Variants in RBM33 observed in about 807,000 individuals in gnomAD.
The protein encoded by RBM33 is RNA-binding protein 33.
In RBM33, 28 loss-of-function variants were observed where a neutral mutation model predicts 132.6. The ratio of observed to expected loss-of-function variants is 0.21; its 90% CI spans 0.16 to 0.29. The LOEUF is 0.29. RBM33 is among the 10% of genes least tolerant of loss of function. The pLI, the probability that RBM33 is intolerant of heterozygous loss-of-function variation, is 1.00. For synonymous variants in RBM33, 634 were observed against 593.0 expected (o/e 1.07, Z -1.01); for missense variants, 1,291 against 1,518.5 (o/e 0.85, Z 2.49).
chr7:155,758,444 A>G (rs1801921285), intron 14 of RBM33, among the ~76,000 whole-genome samples: 1 of 152,104 alleles, frequency 6.6e-6, no homozygotes, highest in African/African-American at 2.4e-5. Context: ...GGAGCTGGCA[A>G]CCTAGATCCC....
intron 2 of RBM33, among the ~76,000 whole-genome samples, chr7:155,671,542 C>T (rs1325505012): frequency 6.6e-6 from 1 of 152,170 alleles, no homozygotes; most frequent in East Asian, 1.9e-4. Context: ...TTCATTATAA[C>T]TCCATATATG....
chr7:155,732,678 C>T (rs1183424221), intron 9 of RBM33, among the ~76,000 whole-genome samples: 2 of 152,068 alleles, frequency 1.3e-5, no homozygotes, highest in East Asian at 1.9e-4. Flanking sequence ...GTCCATTACT[C>T]GTGGTAGAAA....
Position 155,763,919 on chromosome 7 carries a change from G to A in RBM33, c.3087G>A (p.Gly1029=), listed in dbSNP as rs747959770. Residue 1029 remains glycine (G), a synonymous_variant, in exon 15 of 18, where the codon GGG becomes GGA. Transcript: ENST00000401878. ...QPARKVTLTR[G]GLQQPPHLPA... ...CCCGCAAGGTGACGCTGACCAGGGGGGGCCTCCAGCAGCCCCCACATCTGC... is the reference window on the plus strand; with the variant it reads ...CCCGCAAGGTGACGCTGACCAGGGGAGGCCTCCAGCAGCCCCCACATCTGC... 1.0e-5 allele frequency: 16 copies of A among 1,606,960 alleles called. No homozygotes were observed. The highest frequency in any genetic ancestry group is 3.4e-5 in the Admixed American group (2 of 59,010).
intron 13 of RBM33, among the ~76,000 whole-genome samples, chr7:155,742,382 G>T (rs1185944435): frequency 1.3e-5 from 2 of 152,034 alleles, no homozygotes; most frequent in East Asian, 1.9e-4. Flanking sequence ...TCTGTAAAGG[G>T]CCCAAATATT....
At chr7:155,686,186 A>C (rs1007681101) in intron 5 of RBM33, among the ~76,000 whole-genome samples, 5 of 152,282 alleles carry the variant, frequency 3.3e-5, no homozygotes, top group African/African-American at 1.2e-4. Flanking sequence ...AAGAACTAAG[A>C]CAAAGCTAAA....
intron 5 of RBM33, among the ~76,000 whole-genome samples, chr7:155,685,963 C>A (rs1269878272): frequency 1.3e-5 from 2 of 152,194 alleles, no homozygotes; most frequent in Non-Finnish European, 1.5e-5. Context: ...CTATGACAGT[C>A]TATGAATGTG....
intron 15 of RBM33, 82 bp downstream of exon 15, chr7:155,764,100 C>A: frequency 9.1e-7 from 1 of 1,096,764 alleles, no homozygotes. Flanking sequence ...TAATTTGTAG[C>A]GCATGGCACA....
intron 1 of RBM33, among the ~76,000 whole-genome samples, chr7:155,650,916 C>A (rs918170467): frequency 6.6e-6 from 1 of 152,118 alleles, no homozygotes; most frequent in Non-Finnish European, 1.5e-5. Context: ...GCTCTATCGC[C>A]CAGGCTGGAG....
At chr7:155,719,589 G>A (rs1370452984) in intron 9 of RBM33, among the ~76,000 whole-genome samples, 7 of 152,082 alleles carry the variant, frequency 4.6e-5, no homozygotes, top group Admixed American at 4.6e-4. Context: ...AACATTAGAT[G>A]ATATTTATTG....
chr7:155,721,346 A>G (rs1800619701), intron 9 of RBM33, among the ~76,000 whole-genome samples: 1 of 152,168 alleles, frequency 6.6e-6, no homozygotes, highest in African/African-American at 2.4e-5. Flanking sequence ...AACTTAATAT[A>G]GAGTGACCTT....
At chr7:155,761,048 C>T (rs1434569701) in intron 14 of RBM33, among the ~76,000 whole-genome samples, 3 of 152,304 alleles carry the variant, frequency 2.0e-5, no homozygotes, top group East Asian at 1.9e-4. Flanking sequence ...CTCAGTCACC[C>T]GCAGCCCTGG....
chr7:155,683,923 A>G (rs1241019489), intron 5 of RBM33, among the ~76,000 whole-genome samples: 1 of 152,180 alleles, frequency 6.6e-6, no homozygotes, highest in African/African-American at 2.4e-5. Flanking sequence ...ACTGTACTGC[A>G]TTGTACACTG....
intron 9 of RBM33, among the ~76,000 whole-genome samples, chr7:155,730,835 A>C (rs1039496217): frequency 2.0e-5 from 3 of 152,248 alleles, no homozygotes; most frequent in African/African-American, 7.2e-5. Context: ...GTAAATAGTC[A>C]GTTAAAGGAA....
At chr7:155,672,803 T>C (rs1029349913) in intron 2 of RBM33, 64 bp from the exon 3 acceptor site, 3 of 1,200,268 alleles carry the variant, frequency 2.5e-6, no homozygotes, top group African/African-American at 1.6e-5. Flanking sequence ...AATTTCCAAG[T>C]GATCTACAAA....
chr7:155,687,309 C>A (rs981564305), intron 5 of RBM33, among the ~76,000 whole-genome samples: 17 of 152,128 alleles, frequency 1.1e-4, no homozygotes, highest in Admixed American at 1.1e-3. Flanking sequence ...TATCCTTCAC[C>A]CACTTTTTGA....
At chr7:155,670,159 G>C (rs567937790) in intron 2 of RBM33, among the ~76,000 whole-genome samples, 10 of 152,338 alleles carry the variant, frequency 6.6e-5, no homozygotes, top group African/African-American at 2.4e-4. Context: ...TGCTTTCAAA[G>C]AGCTCATTGT....
At chr7:155,756,205 A>C (rs1644749698) in intron 14 of RBM33, among the ~76,000 whole-genome samples, 1 of 152,230 alleles carries the variant, frequency 6.6e-6, no homozygotes, top group African/African-American at 2.4e-5. Flanking sequence ...TCTAAAATTC[A>C]ATTTGAATCA....
At chr7:155,722,448 C>T (rs140483722) in intron 9 of RBM33, among the ~76,000 whole-genome samples, 29 of 152,286 alleles carry the variant, frequency 1.9e-4, no homozygotes, top group Admixed American at 1.7e-3. Flanking sequence ...TAAGTTTCTA[C>T]ACTTTAAATT....
At chr7:155,756,880 C>G (rs192421102) in intron 14 of RBM33, among the ~76,000 whole-genome samples, 83 of 152,198 alleles carry the variant, frequency 5.5e-4, no homozygotes, top group African/African-American at 2.4e-5. Context: ...TTTTCCTTTC[C>G]CCAGCATGGC....
Sources: allele counts gnomAD v4.1 joint callset (sites outside exome capture counted in the v4.1 genomes callset), GRCh38; gene constraint gnomAD v4.1.1; transcripts MANE v1.5; gene names NCBI Gene and HGNC (gene_info 2026-07-23, HGNC 2026-07-21).